COL24A1: variants seen among roughly 807,000 people sequenced by gnomAD.
COL24A1 encodes the protein collagen alpha-1(XXIV) chain.
A neutral mutation model predicts 253.9 loss-of-function variants in COL24A1; 224 were observed. The observed-to-expected ratio is 0.88, with a 90% confidence interval of 0.79 to 0.99. The LOEUF (loss-of-function observed/expected upper bound fraction) is 0.99. Among genes scored for constraint, COL24A1 ranks in the 50% least tolerant of loss-of-function variants. The pLI, the probability that COL24A1 is intolerant of heterozygous loss-of-function variation, is 0.00. For synonymous variants in COL24A1, 685 were observed against 673.7 expected, an observed-to-expected ratio of 1.02 and a Z score of -0.26; for missense variants, 2,131 against 2,068.5, an observed-to-expected ratio of 1.03 and a Z score of -0.59.
intron 4 of COL24A1, 111 bp downstream of exon 4, chr1:86,115,214 G>T: frequency 9.8e-7 from 1 of 1,021,972 alleles, no homozygotes; most frequent in Non-Finnish European, 1.4e-6. Flanking sequence ...GACTAAGTTT[G>T]AAGATCCAGG....
chr1:85,853,547 A>G (rs1034282021), intron 37 of COL24A1, among the ~76,000 whole-genome samples: 2 of 152,228 alleles, frequency 1.3e-5, no homozygotes, highest in African/African-American at 4.8e-5. Flanking sequence ...AAATCTCCAG[A>G]CTATTTTCCA....
intron 53 of COL24A1, among the ~76,000 whole-genome samples, chr1:85,767,655 T>A (rs116235608): frequency 0.036 from 5,457 of 152,062 alleles, 108 homozygotes; most frequent in Middle Eastern, 0.082. Flanking sequence ...TTTTTTTTTT[T>A]AAACAGCATA....
intron 47 of COL24A1, among the ~76,000 whole-genome samples, chr1:85,800,044 A>AT (rs1671267155): frequency 6.6e-6 from 1 of 152,174 alleles, no homozygotes; most frequent in Admixed American, 6.5e-5. Context: ...ATGGCTCAGA[A>AT]TCTGTTTTTA....
At chr1:85,785,049 T>A (rs1669538061) in intron 48 of COL24A1, among the ~76,000 whole-genome samples, 1 of 152,090 alleles carries the variant, frequency 6.6e-6, no homozygotes, top group South Asian at 2.1e-4. Flanking sequence ...TATTTTGAAT[T>A]GATATCATTT....
intron 24 of COL24A1, among the ~76,000 whole-genome samples, chr1:85,916,358 A>C (rs1363838942): frequency 6.6e-6 from 1 of 152,192 alleles, no homozygotes; most frequent in Non-Finnish European, 1.5e-5. Context: ...AAAGGGCATA[A>C]TTGGAAGATA....
chr1:86,135,549 T>G (rs1572043927), intron 2 of COL24A1, among the ~76,000 whole-genome samples: 1 of 152,116 alleles, frequency 6.6e-6, no homozygotes, highest in South Asian at 2.1e-4. Flanking sequence ...TTTGTTTGTT[T>G]GATTTTCTTA....
chr1:85,999,636 G>A (rs79409433), intron 19 of COL24A1, among the ~76,000 whole-genome samples: 2,011 of 59,122 alleles, frequency 0.034, 46 homozygotes, highest in African/African-American at 0.09. Context: ...ATAAAATAAA[G>A]TAAAATAAAA....
At chr1:85,851,370 T>C (rs1677749521) in intron 37 of COL24A1, among the ~76,000 whole-genome samples, 1 of 152,162 alleles carries the variant, frequency 6.6e-6, no homozygotes, top group Non-Finnish European at 1.5e-5. Context: ...AATGTTTTGG[T>C]GGCTTTCTTT....
At chr1:85,976,741 C>A (rs894793640) in intron 20 of COL24A1, among the ~76,000 whole-genome samples, 1 of 152,136 alleles carries the variant, frequency 6.6e-6, no homozygotes, top group African/African-American at 2.4e-5. Context: ...ATTATGGCAA[C>A]TCATGACAAA....
intron 52 of COL24A1, among the ~76,000 whole-genome samples, chr1:85,777,790 T>G (rs1193744869): frequency 6.6e-6 from 1 of 152,192 alleles, no homozygotes; most frequent in East Asian, 1.9e-4. Flanking sequence ...TACTGTTTTC[T>G]CCTATATTCC....
At chr1:85,899,900 G>A (rs1328081475) in intron 28 of COL24A1, among the ~76,000 whole-genome samples, 1 of 152,114 alleles carries the variant, frequency 6.6e-6, no homozygotes, top group Non-Finnish European at 1.5e-5. Context: ...CTCCCACGAT[G>A]TCTAACTGTA....
intron 20 of COL24A1, among the ~76,000 whole-genome samples, chr1:85,985,395 C>T (rs537550): frequency 0.66 from 99,254 of 151,450 alleles, 32,817 homozygotes; most frequent in Admixed American, 0.71. Context: ...TGTATAACTA[C>T]AGAATTATAC....
chr1:86,074,903 GTT>G (rs1702137618), intron 7 of COL24A1, among the ~76,000 whole-genome samples: 2 of 152,152 alleles, frequency 1.3e-5, no homozygotes, highest in Non-Finnish European at 2.9e-5. Flanking sequence ...GTTAAGCAGT[GTT>G]TAGAGGGAAA....
intron 7 of COL24A1, among the ~76,000 whole-genome samples, chr1:86,066,859 C>T (rs996438317): frequency 8.5e-5 from 13 of 152,110 alleles, no homozygotes; most frequent in African/African-American, 2.2e-4. Context: ...TCAGGAAGGC[C>T]GGGCGCAATG....
At position 86,112,501 on chromosome 1, in the gene COL24A1, C is replaced by CT. The variant is rs530355291; in HGVS notation, c.1599+65dup. 4.4e-5 allele frequency: 62 copies of CT among 1,417,770 alleles called. No homozygotes were observed. The African/African-American group carries it at 7.9e-4, about 18-fold the overall frequency. The allele number at this position is 1,417,770 out of a possible 1,614,324, so 87.8% of individuals were successfully genotyped here. ...ACTTGCCTTAAATGTTAGGGATCTT[C>CT]TTTTTAATATCAGGAAAATCAGGTG... On this transcript the variant is annotated intron_variant, in intron 5 of 59. Coordinates refer to ENST00000370571, the MANE Select transcript of COL24A1 (RefSeq NM_152890.7).
At chr1:85,748,029 G>A (rs1389710465) in intron 55 of COL24A1, among the ~76,000 whole-genome samples, 3 of 152,062 alleles carry the variant, frequency 2.0e-5, no homozygotes, top group Admixed American at 2.0e-4. Flanking sequence ...AACATCATTA[G>A]GAAAACATAA....
chr1:86,068,130 C>G (rs1285812667), intron 7 of COL24A1, among the ~76,000 whole-genome samples: 1 of 152,218 alleles, frequency 6.6e-6, no homozygotes, highest in East Asian at 1.9e-4. Flanking sequence ...CTCTCCAACA[C>G]TGGAACATCA....
At chr1:86,045,452 G>T (rs1218772558) in intron 12 of COL24A1, among the ~76,000 whole-genome samples, 2 of 151,898 alleles carry the variant, frequency 1.3e-5, no homozygotes, top group African/African-American at 4.8e-5. Flanking sequence ...TAAGACTAAA[G>T]AAAACAAACC....
At chr1:85,864,806 T>C (rs1034225927) in intron 37 of COL24A1, among the ~76,000 whole-genome samples, 3 of 152,170 alleles carry the variant, frequency 2.0e-5, no homozygotes, top group Non-Finnish European at 4.4e-5. Context: ...CCTAAACATA[T>C]AAAACAGGAC....
Sources: gnomAD v4.1 joint callset for allele counts (sites outside exome capture counted in the v4.1 genomes callset) on GRCh38, gnomAD v4.1.1 for gene constraint, MANE v1.5 for transcripts, NCBI Gene and HGNC (gene_info 2026-07-23, HGNC 2026-07-21) for gene names.